Variants in RUNX3 observed in about 807,000 individuals in gnomAD.
RUNX3 encodes RUNX family transcription factor 3, also known as runt-related transcription factor 3.
RUNX3 carries 10 observed loss-of-function variants against 27.7 expected under a neutral mutation model. The observed-to-expected ratio is 0.36, with a 90% CI of 0.22 to 0.61. RUNX3 has a LOEUF of 0.61. RUNX3 is among the 20% of genes least tolerant of loss of function. RUNX3 has a pLI of 0.72. For synonymous variants in RUNX3, 270 were observed against 269.2 expected, an observed-to-expected ratio of 1.00 and a Z score of -0.03; for missense variants, 469 against 629.5, an observed-to-expected ratio of 0.75 and a Z score of 2.73.
intron 3 of RUNX3, among the ~76,000 whole-genome samples, chr1:24,912,295 G>A (rs1273929148): frequency 1.3e-5 from 2 of 152,188 alleles, no homozygotes; most frequent in Admixed American, 6.5e-5. Flanking sequence ...GCTGGTCAGA[G>A]GGGCCCCAGA....
chr1:24,924,239 T>C (rs1264196352), intron 2 of RUNX3, among the ~76,000 whole-genome samples: 1 of 152,100 alleles, frequency 6.6e-6, no homozygotes, highest in African/African-American at 2.4e-5. Flanking sequence ...CAGCTGAGCA[T>C]GGTGGCGCAT....
At chr1:24,929,226 G>A in intron 1 of RUNX3, 1 of 528,212 alleles carries the variant, frequency 1.9e-6, no homozygotes, top group African/African-American at 1.9e-5. Flanking sequence ...CACCCGCGGT[G>A]TCCTTGCCCC....
At chr1:24,926,855 T>G (rs1485675618) in intron 2 of RUNX3, among the ~76,000 whole-genome samples, 2 of 152,180 alleles carry the variant, frequency 1.3e-5, no homozygotes, top group East Asian at 1.9e-4. Flanking sequence ...GGGCAGGGTT[T>G]CCAGGACTTT....
At chr1:24,964,849 T>G in exon 1 of RUNX3, 3 of 673,618 alleles carry the variant, frequency 4.5e-6, no homozygotes, top group Non-Finnish European at 6.9e-6. Flanking sequence ...AGAATTTGGA[T>G]TCCCGGTCCC....
At chr1:24,920,828 T>C (rs1235549526) in intron 2 of RUNX3, among the ~76,000 whole-genome samples, 1 of 152,226 alleles carries the variant, frequency 6.6e-6, no homozygotes, top group Non-Finnish European at 1.5e-5. Flanking sequence ...TTCTCTCTAC[T>C]TTCTACAGTG....
Position 24,902,510 on chromosome 1 carries a change from G to A in RUNX3, c.860C>T (p.Thr287Met), listed in dbSNP as rs777898130. Reference protein sequence around the residue: ...AFPYSATPSGTSISSLSVAGM... With the variant: ...AFPYSATPSGMSISSLSVAGM... ...CGCCACGCTGAGGCTGCTGATGCTCGTGCCCGAGGGCGTGGCGCTGTAGGG... is the reference window on the plus strand; with the variant it reads ...CGCCACGCTGAGGCTGCTGATGCTCATGCCCGAGGGCGTGGCGCTGTAGGG... Residue 287 changes from threonine (T) to methionine (M), a missense_variant, in exon 5 of 5, where the codon ACG becomes ATG. Transcript: ENST00000308873. This position sits in a 1 kb window ranked among gnomAD's most constrained non-coding sequence, Gnocchi z 9.2. 2.3e-5 allele frequency: 37 copies of A among 1,597,946 alleles called. No individual in the cohort carries two copies. The highest frequency in any genetic ancestry group is 3.1e-5 in the Non-Finnish European group (36 of 1,168,252).
In RUNX3 at chr1:24,902,503, G is replaced by A. The variant is rs565984155; in HGVS notation, c.867C>T (p.Ile289=). 19 of 1,599,260 alleles carry A rather than the reference G, an allele frequency of 1.2e-5. No individual in the cohort carries two copies. In the South Asian group the frequency reaches 2.1e-4, roughly 18 times the overall value. The change falls in exon 5 of 5, where the codon ATC becomes ATT. Residue 289 remains isoleucine (I), a synonymous_variant. Coordinates refer to ENST00000308873, the MANE Select transcript of RUNX3 (RefSeq NM_004350.3). This position sits in a 1 kb window ranked among gnomAD's most constrained non-coding sequence, Gnocchi z 9.2. ...PYSATPSGTS[I]SSLSVAGMPA... ...GCATGCCCGCCACGCTGAGGCTGCT[G>A]ATGCTCGTGCCCGAGGGCGTGGCGC...
intron 2 of RUNX3, among the ~76,000 whole-genome samples, chr1:24,935,397 C>T (rs894303626): frequency 2.0e-5 from 3 of 152,218 alleles, no homozygotes; most frequent in Non-Finnish European, 4.4e-5. Flanking sequence ...CTCCTCTCCA[C>T]CTCCCGCGGG....
chr1:24,931,477 A>C (rs546773487), upstream of RUNX3, among the ~76,000 whole-genome samples: 2 of 152,202 alleles, frequency 1.3e-5, no homozygotes, highest in Non-Finnish European at 2.9e-5. Flanking sequence ...AGATCAAGCC[A>C]CAATCATTCC....
Position 24,902,816 on chromosome 1 carries a change from G to A in RUNX3, c.704-150C>T, listed in dbSNP as rs111283598. 24,478 of 598,808 alleles carry A rather than the reference G, an allele frequency of 0.041. 648 individuals are homozygous for A. Among genetic ancestry groups the A allele is most frequent in the East Asian group, 0.089 (2,824 of 31,670 alleles). The allele number at this position is 598,808 out of a possible 1,614,324, so 37.1% of individuals were successfully genotyped here. The stretch of plus-strand genomic sequence containing the variant: ...CTCCTCTTCCTGCCCTAGGCTGCCC[G>A]GGGCCTCCCCCGCCAGGACTCCGAA... On this transcript the variant is annotated intron_variant, in intron 4 of 4. Transcript: ENST00000308873. This position sits in a 1 kb window ranked among gnomAD's most constrained non-coding sequence, Gnocchi z 9.2.
intron 2 of RUNX3, among the ~76,000 whole-genome samples, chr1:24,954,378 CTTA>C (rs778948075): frequency 1.3e-5 from 2 of 152,172 alleles, no homozygotes; most frequent in Non-Finnish European, 2.9e-5. Flanking sequence ...CAAGGCTTCA[CTTA>C]TTATTATTTT....
intron 2 of RUNX3, among the ~76,000 whole-genome samples, chr1:24,956,154 G>GAGCAGGGTGGCC (rs1553208564): frequency 6.6e-6 from 1 of 152,252 alleles, no homozygotes; most frequent in Non-Finnish European, 1.5e-5. Context: ...GAAGAACAGA[G>GAGCAGGGTGGCC]AGCAGGGTGG....
intron 2 of RUNX3, among the ~76,000 whole-genome samples, chr1:24,941,746 G>A (rs1641484264): frequency 6.6e-6 from 1 of 152,204 alleles, no homozygotes; most frequent in Non-Finnish European, 1.5e-5. Flanking sequence ...TCTGCTCCCA[G>A]AGTGATGCTA....
upstream of RUNX3, among the ~76,000 whole-genome samples, chr1:24,934,840 G>C (rs1641312421): frequency 6.6e-6 from 1 of 152,158 alleles, no homozygotes; most frequent in African/African-American, 2.4e-5. Context: ...TTGTGATGGG[G>C]AGAGGGAGCT....
intron 2 of RUNX3, among the ~76,000 whole-genome samples, chr1:24,953,234 G>A (rs1158046573): frequency 1.3e-5 from 2 of 151,590 alleles, no homozygotes; most frequent in Non-Finnish European, 2.9e-5. Context: ...GCGTAGTGGC[G>A]GGCACCTGTA....
intron 3 of RUNX3, among the ~76,000 whole-genome samples, chr1:24,917,748 T>C (rs1440673991): frequency 2.0e-5 from 3 of 152,208 alleles, no homozygotes; most frequent in African/African-American, 7.2e-5. Context: ...GGCACGGAGA[T>C]GACTAGCCCA....
At chr1:24,926,754 G>C (rs1557845204) in intron 2 of RUNX3, among the ~76,000 whole-genome samples, 1 of 152,190 alleles carries the variant, frequency 6.6e-6, no homozygotes, top group Non-Finnish European at 1.5e-5. Flanking sequence ...GGCGGGCCTG[G>C]TGCTTGGGAA....
intron 2 of RUNX3, among the ~76,000 whole-genome samples, chr1:24,920,607 C>T (rs927603645): frequency 1.3e-5 from 2 of 152,138 alleles, no homozygotes; most frequent in Non-Finnish European, 2.9e-5. Context: ...GGTTTTAGTG[C>T]CTTTTAAAAA....
upstream of RUNX3, among the ~76,000 whole-genome samples, chr1:24,935,055 C>T (rs1391502234): frequency 6.6e-6 from 1 of 152,202 alleles, no homozygotes; most frequent in Non-Finnish European, 1.5e-5. Flanking sequence ...CAGATGGGAA[C>T]ACTGAGGCCC....
Sources: allele counts gnomAD v4.1 joint callset (sites outside exome capture counted in the v4.1 genomes callset), GRCh38; gene constraint gnomAD v4.1.1; non-coding constraint Gnocchi (gnomAD v3.1); transcripts MANE v1.5; gene names NCBI Gene and HGNC (gene_info 2026-07-23, HGNC 2026-07-21).